ENO4: variants seen among roughly 807,000 people sequenced by gnomAD.
ENO4 encodes 2-phospho-D-glycerate hydro-lyase.
In ENO4, 53 loss-of-function variants were observed where a neutral mutation model predicts 63.2. That is an observed-to-expected ratio of 0.84 (90% CI 0.67 to 1.05). The LOEUF is 1.05. Among genes scored for constraint, ENO4 ranks in the 50% least tolerant of loss-of-function variants. The pLI is 0.00. For synonymous variants in ENO4, 266 were observed against 283.8 expected, an observed-to-expected ratio of 0.94 and a Z score of 0.63; for missense variants, 719 against 772.0, an observed-to-expected ratio of 0.93 and a Z score of 0.81.
At chr10:116,880,420 CAA>C (rs1846973257) in intron 13 of ENO4, among the ~76,000 whole-genome samples, 1 of 152,170 alleles carries the variant, frequency 6.6e-6, no homozygotes, top group South Asian at 2.1e-4. Context: ...ATTAAGGTCT[CAA>C]GAGAAATCGA....
intron 10 of ENO4, among the ~76,000 whole-genome samples, chr10:116,900,115 T>A (rs924464987): frequency 3.9e-5 from 6 of 152,226 alleles, no homozygotes; most frequent in African/African-American, 1.4e-4. Context: ...TCCAGAAAGG[T>A]GCTCTTATTT....
intron 10 of ENO4, among the ~76,000 whole-genome samples, chr10:116,893,644 G>C (rs1475058009): frequency 2.1e-5 from 3 of 145,782 alleles, no homozygotes; most frequent in Non-Finnish European, 3.0e-5. Context: ...TGGTGGGGGT[G>C]GGAGTATCTA....
intron 10 of ENO4, among the ~76,000 whole-genome samples, chr10:116,899,199 AT>A (rs200914256): frequency 0.01 from 1,556 of 152,300 alleles, 19 homozygotes; most frequent in African/African-American, 0.029. Flanking sequence ...GAGAGAAAAA[AT>A]AAAACAATAA....
At chr10:116,880,080 AGGGG>A in intron 13 of ENO4, 94 bp downstream of exon 13, 1 of 931,430 alleles carries the variant, frequency 1.1e-6, no homozygotes, top group Non-Finnish European at 1.6e-6. Context: ...GCAGGAGGGC[AGGGG>A]AATCCAAAGA....
chr10:116,867,899 A>G (rs1221313049), intron 7 of ENO4, among the ~76,000 whole-genome samples: 1 of 152,192 alleles, frequency 6.6e-6, no homozygotes, highest in African/African-American at 2.4e-5. Flanking sequence ...ATCACATCAC[A>G]TGACTTCCCT....
At chr10:116,898,378 A>G (rs1031606621) in intron 10 of ENO4, among the ~76,000 whole-genome samples, 2 of 151,968 alleles carry the variant, frequency 1.3e-5, no homozygotes, top group Admixed American at 1.3e-4. Context: ...ATACCCACCC[A>G]CTGATTGGCC....
downstream of ENO4, chr10:116,884,011 A>G (rs1032850517): frequency 2.2e-5 from 5 of 230,468 alleles, no homozygotes; most frequent in African/African-American, 1.2e-4. Context: ...ATGCATCAAC[A>G]TTCGTTTTTC....
chr10:116,886,671 T>G (rs1182632894), downstream of ENO4: 71 of 1,483,584 alleles, frequency 4.8e-5, 1 homozygote, highest in Non-Finnish European at 7.3e-6. Flanking sequence ...ATGTTCTAAG[T>G]CTAATCAACA....
At chr10:116,856,990 A>G (rs7087301) in intron 3 of ENO4, among the ~76,000 whole-genome samples, 119 of 66,774 alleles carry the variant, frequency 1.8e-3, no homozygotes, top group South Asian at 7.2e-3. Flanking sequence ...CTCTGTATCA[A>G]AAAAAAAAAA....
chr10:116,879,484 A>C (rs1276005536), intron 12 of ENO4, 126 bp downstream of exon 12: 2 of 710,050 alleles, frequency 2.8e-6, no homozygotes, highest in East Asian at 5.6e-5. Flanking sequence ...TTCCTCCCAG[A>C]TAGCTACCTT....
At chr10:116,852,063 G>A (rs1420046433) in intron 1 of ENO4, among the ~76,000 whole-genome samples, 1 of 152,056 alleles carries the variant, frequency 6.6e-6, no homozygotes, top group African/African-American at 2.4e-5. Context: ...TTATGGGGGT[G>A]GTTACTCTCA....
At chr10:116,896,120 T>C (rs541735062) in intron 10 of ENO4, among the ~76,000 whole-genome samples, 4 of 152,310 alleles carry the variant, frequency 2.6e-5, no homozygotes, top group East Asian at 1.9e-4. Context: ...GTAATAGAAG[T>C]ATTAAAACAC....
chr10:116,857,741 C>T (rs964861071), intron 3 of ENO4, among the ~76,000 whole-genome samples: 8 of 151,554 alleles, frequency 5.3e-5, no homozygotes, highest in Admixed American at 3.9e-4. Flanking sequence ...CAGGTTCAAG[C>T]GATTCTCCTG....
intron 8 of ENO4, among the ~76,000 whole-genome samples, chr10:116,870,723 C>T (rs913155620): frequency 2.0e-5 from 3 of 152,064 alleles, no homozygotes; most frequent in Admixed American, 1.3e-4. Context: ...ACAGAACATA[C>T]GAAAGAGCAG....
intron 10 of ENO4, among the ~76,000 whole-genome samples, chr10:116,898,788 T>C (rs760637702): frequency 5.4e-4 from 82 of 152,294 alleles, no homozygotes; most frequent in Non-Finnish European, 1.8e-4. Flanking sequence ...GCTTTGCATA[T>C]GTTGGTGACA....
At chr10:116,885,217 A>G (rs1847128999), downstream of ENO4, 1 of 152,648 alleles carries the variant, frequency 6.6e-6, no homozygotes, top group Non-Finnish European at 1.5e-5. Flanking sequence ...CCATGCTAAC[A>G]AAACTAAACC....
At chr10:116,897,600 A>G (rs1244079346) in intron 10 of ENO4, among the ~76,000 whole-genome samples, 2 of 152,234 alleles carry the variant, frequency 1.3e-5, no homozygotes, top group Non-Finnish European at 2.9e-5. Flanking sequence ...TATCCCAGCA[A>G]TATAATTGTA....
chr10:116,898,186 G>C (rs1192562230), intron 10 of ENO4, among the ~76,000 whole-genome samples: 1 of 151,952 alleles, frequency 6.6e-6, no homozygotes, highest in East Asian at 1.9e-4. Flanking sequence ...AAATTAGCTG[G>C]GCATGGTGGC....
At chr10:116,905,817 A>T (rs1847946151) in intron 10 of ENO4, among the ~76,000 whole-genome samples, 2 of 152,214 alleles carry the variant, frequency 1.3e-5, no homozygotes, top group South Asian at 4.1e-4. Context: ...ACCTGGTCAC[A>T]AGGGGAAACC....
Sources: allele counts gnomAD v4.1 joint callset (sites outside exome capture counted in the v4.1 genomes callset), GRCh38; gene constraint gnomAD v4.1.1; transcripts MANE v1.5; gene names NCBI Gene and HGNC (gene_info 2026-07-23, HGNC 2026-07-21).